The following LDB2 variants were observed in gnomAD, a reference collection of about 807,000 sequenced individuals.
LDB2 encodes the protein LIM domain binding 2.
A neutral mutation model predicts 44.3 loss-of-function variants in LDB2; 12 were observed. The ratio of observed to expected loss-of-function variants is 0.27; its 90% CI spans 0.17 to 0.44. The LOEUF is 0.44. Ranked by LOEUF, LDB2 falls within the 20% of genes least tolerant of loss-of-function variation. The pLI is 1.00. For missense variants in LDB2, 344 were observed against 473.5 expected (o/e 0.73, Z 2.54); for synonymous variants, 164 against 174.8 (o/e 0.94, Z 0.49).
At chr4:16,512,474 CAAAA>C (rs925217400) in intron 5 of LDB2, among the ~76,000 whole-genome samples, 19 of 151,534 alleles carry the variant, frequency 1.3e-4, no homozygotes, top group African/African-American at 4.4e-4. Flanking sequence ...AACAAACAAA[CAAAA>C]AAAACCCCTC....
intron 1 of LDB2, among the ~76,000 whole-genome samples, chr4:16,822,214 A>AT (rs1461275830): frequency 1.2e-4 from 19 of 152,200 alleles, no homozygotes; most frequent in African/African-American, 4.1e-4. Context: ...ATTAACTATT[A>AT]TTTTTACAGT....
At chr4:16,532,439 G>T (rs371553628) in intron 5 of LDB2, among the ~76,000 whole-genome samples, 1 of 152,218 alleles carries the variant, frequency 6.6e-6, no homozygotes, top group Non-Finnish European at 1.5e-5. Flanking sequence ...ATGAACTGTG[G>T]TTAGATGTTG....
intron 2 of LDB2, among the ~76,000 whole-genome samples, chr4:16,638,318 C>T (rs1021129853): frequency 3.3e-5 from 5 of 152,196 alleles, no homozygotes; most frequent in Admixed American, 1.3e-4. Context: ...TCCTCAAGTG[C>T]TGTAACTGAT....
At chr4:16,789,474 T>G (rs771517181) in intron 1 of LDB2, among the ~76,000 whole-genome samples, 1 of 152,142 alleles carries the variant, frequency 6.6e-6, no homozygotes, top group Non-Finnish European at 1.5e-5. Flanking sequence ...ATGTAACGAG[T>G]AAAGTGAACG....
chr4:16,720,710 C>T (rs1464534422), intron 2 of LDB2, among the ~76,000 whole-genome samples: 3 of 152,094 alleles, frequency 2.0e-5, no homozygotes, highest in Admixed American at 6.6e-5. Context: ...TATGGATGTT[C>T]GTATATTTAT....
At chr4:16,563,690 C>A (rs1158462551) in intron 5 of LDB2, among the ~76,000 whole-genome samples, 1 of 150,954 alleles carries the variant, frequency 6.6e-6, no homozygotes, top group Non-Finnish European at 1.5e-5. Flanking sequence ...GATCTCCTGA[C>A]CTCGTGATCT....
intron 1 of LDB2, among the ~76,000 whole-genome samples, chr4:16,761,000 T>C (rs1767785954): frequency 2.0e-5 from 3 of 151,176 alleles, no homozygotes; most frequent in African/African-American, 7.4e-5. Flanking sequence ...ACTTCTTCTG[T>C]GTGTGTGGTT....
At chr4:16,602,782 G>A (rs1233138276) in intron 2 of LDB2, among the ~76,000 whole-genome samples, 1 of 152,010 alleles carries the variant, frequency 6.6e-6, no homozygotes, top group East Asian at 1.9e-4. Context: ...GAGAAACAAG[G>A]ATGACCAAGA....
intron 5 of LDB2, among the ~76,000 whole-genome samples, chr4:16,542,113 C>T (rs1052802302): frequency 2.3e-5 from 2 of 86,790 alleles, no homozygotes; most frequent in Admixed American, 1.3e-4. Context: ...GGGGGGGGGG[C>T]GCGAGCAGGA....
intron 1 of LDB2, among the ~76,000 whole-genome samples, chr4:16,788,245 G>A (rs368549833): frequency 6.6e-6 from 1 of 152,198 alleles, no homozygotes; most frequent in Admixed American, 6.5e-5. Context: ...AGGAGCCTCC[G>A]CTCTCCACAG....
chr4:16,584,100 C>T (rs1715831704), intron 5 of LDB2, among the ~76,000 whole-genome samples: 1 of 152,158 alleles, frequency 6.6e-6, no homozygotes, highest in African/African-American at 2.4e-5. Context: ...CGCTGTGTTT[C>T]TCTACGTGGC....
At chr4:16,517,699 C>T (rs1316571175) in intron 5 of LDB2, among the ~76,000 whole-genome samples, 1 of 152,156 alleles carries the variant, frequency 6.6e-6, no homozygotes, top group Non-Finnish European at 1.5e-5. Context: ...AGATAGGATC[C>T]CTAAGAAAGC....
chr4:16,563,535 G>T (rs897282154), intron 5 of LDB2, among the ~76,000 whole-genome samples: 3 of 128,508 alleles, frequency 2.3e-5, no homozygotes, highest in Non-Finnish European at 4.7e-5. Context: ...TGCAAACTCC[G>T]CCTCCCGGGT....
At chr4:16,508,743 C>A in intron 6 of LDB2, 57 bp from the exon 7 acceptor site, 1 of 1,552,762 alleles carries the variant, frequency 6.4e-7, no homozygotes, top group Non-Finnish European at 8.8e-7. Context: ...ACAAGGCAAT[C>A]ATCAGTATGG....
At chr4:16,891,057 G>A (rs1189383470) in intron 1 of LDB2, among the ~76,000 whole-genome samples, 3 of 151,956 alleles carry the variant, frequency 2.0e-5, no homozygotes, top group Non-Finnish European at 4.4e-5. Flanking sequence ...AATTTGAATT[G>A]TAATTTAATT....
At chr4:16,843,116 G>GT (rs1426394224) in intron 1 of LDB2, among the ~76,000 whole-genome samples, 1 of 152,002 alleles carries the variant, frequency 6.6e-6, no homozygotes, top group African/African-American at 2.4e-5. Context: ...GTACTCTGTG[G>GT]TGTTTACTTA....
In LDB2 at chr4:16,609,949, T is replaced by C. The variant is rs534138920; in HGVS notation, c.236-14074A>G. Among the ~76,000 whole-genome samples, 57 of 152,202 alleles carry C rather than the reference T, an allele frequency of 3.7e-4. No individual in the cohort carries two copies. The South Asian group carries it at 0.011, about 30-fold the overall frequency. The stretch of plus-strand genomic sequence containing the variant: ...GTCAGACACCCTACTGGCATCCTAA[T>C]GGCATCAGGTTGGTGTCCCTTCGGG... On this transcript the variant is annotated intron_variant, in intron 2 of 7. Transcript: ENST00000304523.
intron 2 of LDB2, among the ~76,000 whole-genome samples, chr4:16,654,762 C>CA (rs1482704954): frequency 6.6e-6 from 1 of 152,192 alleles, no homozygotes; most frequent in Non-Finnish European, 1.5e-5. Flanking sequence ...GTATGAGACT[C>CA]ATGTTAAGTC....
chr4:16,852,863 C>T (rs998941199), intron 1 of LDB2, among the ~76,000 whole-genome samples: 9 of 152,116 alleles, frequency 5.9e-5, no homozygotes, highest in African/African-American at 2.2e-4. Flanking sequence ...CCCTGGATCT[C>T]ATATAAATAT....
Sources: gnomAD v4.1 joint callset for allele counts (sites outside exome capture counted in the v4.1 genomes callset) on GRCh38, gnomAD v4.1.1 for gene constraint, MANE v1.5 for transcripts, NCBI Gene and HGNC (gene_info 2026-07-23, HGNC 2026-07-21) for gene names.